Variants in PGGT1B observed in about 807,000 individuals in gnomAD.
PGGT1B encodes the protein geranylgeranyl transferase type-1 subunit beta.
PGGT1B carries 30 observed loss-of-function variants against 46.1 expected under a neutral mutation model. That is an observed-to-expected ratio of 0.65 (90% CI 0.49 to 0.88). The LOEUF (loss-of-function observed/expected upper bound fraction) is 0.88. Among genes scored for constraint, PGGT1B ranks in the 40% least tolerant of loss-of-function variants. The pLI, the probability that PGGT1B is intolerant of heterozygous loss-of-function variation, is 0.00. For synonymous variants in PGGT1B, 170 were observed against 160.0 expected, an observed-to-expected ratio of 1.06 and a Z score of -0.47; for missense variants, 376 against 455.9, an observed-to-expected ratio of 0.82 and a Z score of 1.60.
At chr5:115,230,461 T>C (rs1273742222) in intron 6 of PGGT1B, among the ~76,000 whole-genome samples, 1 of 152,118 alleles carries the variant, frequency 6.6e-6, no homozygotes, top group Non-Finnish European at 1.5e-5. Context: ...ACATCATTAT[T>C]CTAGTTCTGC....
rs530741707 is a variant in PGGT1B, at chr5:115,238,414, C to T, written c.328-405G>A. Among the ~76,000 whole-genome samples, 243 of 147,696 alleles carry T rather than the reference C, an allele frequency of 1.6e-3. 2 individuals carry two copies. The highest frequency in any genetic ancestry group is 5.5e-3 in the African/African-American group (219 of 39,918). On this transcript the variant is annotated intron_variant, in intron 3 of 8. Transcript: ENST00000419445. ...CAACTCCTGGGCTCAAGTGATTCTC[C>T]GGCCTCAGCCTCCAGAGTAGCTGGG...
chr5:115,227,891 A>C (rs760926306), intron 6 of PGGT1B, among the ~76,000 whole-genome samples: 2 of 152,174 alleles, frequency 1.3e-5, no homozygotes, highest in African/African-American at 2.4e-5. Flanking sequence ...TAATAAATAC[A>C]TTATTTTCCT....
At chr5:115,230,851 AAAG>A (rs2127004532) in intron 6 of PGGT1B, 122 bp downstream of exon 6, 1 of 652,376 alleles carries the variant, frequency 1.5e-6, no homozygotes, top group South Asian at 1.8e-5. Context: ...GGAAAGTGAC[AAAG>A]AAGAAAATTA....
chr5:115,210,853 C>A lies in PGGT1B; in HGVS notation c.*1549G>T, dbSNP rs1369689125. 2.0e-5 allele frequency: 3 copies of A among 151,942 alleles called. No homozygotes were observed. Among genetic ancestry groups the A allele is most frequent in the African/African-American group, 7.2e-5 (3 of 41,484 alleles). The allele number at this position is 151,942 out of a possible 1,614,324, so 9.4% of individuals were successfully genotyped here. ...CATCTGTTATTAAGCTTACTTTTTC[C>A]CCCACCATCAGAAGATTTATTTTAT... On this transcript the variant is annotated 3_prime_UTR_variant, in exon 9 of 9. Coordinates refer to ENST00000419445, the MANE Select transcript of PGGT1B (RefSeq NM_005023.4).
chr5:115,245,053 C>T (rs78047248), intron 2 of PGGT1B, among the ~76,000 whole-genome samples: 2,041 of 152,116 alleles, frequency 0.013, 48 homozygotes, highest in African/African-American at 0.046. Context: ...AGTTACTAAT[C>T]TGCTAACAGT....
chr5:115,255,672 T>C (rs1748280261), intron 1 of PGGT1B, among the ~76,000 whole-genome samples: 1 of 152,158 alleles, frequency 6.6e-6, no homozygotes, highest in Non-Finnish European at 1.5e-5. Flanking sequence ...CAGTAAAAGC[T>C]ATGTAGTAAG....
rs561827274 is a variant in PGGT1B at position 115,214,519 on chromosome 5, A to G, written c.953-1936T>C. ...GAATGAAGAATAAGCTTAATTTTAA[A>G]GAATCTTGTTAAAATGATTAAAGAT... On this transcript the variant is annotated intron_variant, in intron 8 of 8. Transcript: ENST00000419445. Among the ~76,000 whole-genome samples, 6 of 152,346 alleles carry G rather than the reference A, an allele frequency of 3.9e-5. No homozygotes were observed. In the East Asian group the frequency reaches 7.7e-4, roughly 20 times the overall value.
At chr5:115,245,056 C>G (rs1251581772) in intron 2 of PGGT1B, among the ~76,000 whole-genome samples, 1 of 152,098 alleles carries the variant, frequency 6.6e-6, no homozygotes, top group Non-Finnish European at 1.5e-5. Context: ...TACTAATCTG[C>G]TAACAGTCCT....
At position 115,204,835 on chromosome 5, in the gene PGGT1B, A is replaced by G. The variant is rs946168734; in HGVS notation, c.*7567T>C. 2 of 152,226 alleles carry G rather than the reference A, an allele frequency of 1.3e-5. No individual in the cohort carries two copies. The highest frequency in any genetic ancestry group is 6.5e-5 in the Admixed American group (1 of 15,268). 9.4% of individuals were successfully genotyped at this position (152,226 alleles called of 1,614,324 possible). A position where few individuals can be genotyped will look rare whatever the true frequency, so the allele number is the denominator to read the frequency against. ...TAACCTAAGTTTCTCTTAATATGAT[A>G]AATATTAAAATATATCCAGTCATAA... is the stretch of plus-strand genomic sequence containing the variant. On this transcript the variant is annotated 3_prime_UTR_variant, in exon 9 of 9. Coordinates refer to ENST00000419445, the MANE Select transcript of PGGT1B (RefSeq NM_005023.4).
At chr5:115,241,676 T>C (rs1392840500) in intron 2 of PGGT1B, 70 bp from the exon 3 acceptor site, 3 of 1,133,044 alleles carry the variant, frequency 2.6e-6, no homozygotes, top group Non-Finnish European at 3.8e-6. Context: ...GCAGTTTAAT[T>C]ACACAATCTT....
chr5:115,223,009 C>T (rs1166869671), intron 6 of PGGT1B, among the ~76,000 whole-genome samples: 1 of 151,898 alleles, frequency 6.6e-6, no homozygotes, highest in Non-Finnish European at 1.5e-5. Context: ...AGGAGAAATA[C>T]CTAATGTAAA....
At chr5:115,224,093 T>C (rs927819965) in intron 6 of PGGT1B, among the ~76,000 whole-genome samples, 4 of 144,102 alleles carry the variant, frequency 2.8e-5, no homozygotes, top group African/African-American at 1.1e-4. Context: ...TATGTTAGTC[T>C]TGAGTGAATC....
intron 2 of PGGT1B, among the ~76,000 whole-genome samples, chr5:115,243,773 T>C (rs1757420626): frequency 6.6e-6 from 1 of 152,132 alleles, no homozygotes; most frequent in Non-Finnish European, 1.5e-5. Context: ...CAGAATCAAC[T>C]TCCTTGCAGT....
At position 115,212,024 on chromosome 5, in the gene PGGT1B, C is replaced by T. The variant is rs1363983481; in HGVS notation, c.*378G>A. On this transcript the variant is annotated 3_prime_UTR_variant, in exon 9 of 9. Transcript: ENST00000419445. The stretch of plus-strand genomic sequence containing the variant: ...TTTTTAAATGATCACTAAGTGTTCA[C>T]CTGAAGATTATCAATGCTATATGAA... 1 of 166,250 alleles carries T rather than the reference C, an allele frequency of 6.0e-6. No homozygotes were observed. The highest frequency in any genetic ancestry group is 1.3e-5 in the Non-Finnish European group (1 of 76,552). The allele number at this position is 166,250 out of a possible 1,614,324, so 10.3% of individuals were successfully genotyped here. A position where few individuals can be genotyped will look rare whatever the true frequency, so the allele number is the denominator to read the frequency against.
In PGGT1B at chr5:115,249,799, G is replaced by A. The variant is rs994241611; in HGVS notation, c.259+3338C>T. On this transcript the variant is annotated intron_variant, in intron 2 of 8. Transcript: ENST00000419445. ...ATATATGACAGACAGTTTCATGTCA[G>A]TATATATATAGAGCTCTACCTTATT... Among the ~76,000 whole-genome samples the A allele has an allele frequency of 2.0e-5, 3 of 152,152 alleles. No individual in the cohort carries two copies. In the East Asian group the frequency reaches 5.8e-4, roughly 29 times the overall value.
chr5:115,255,766 G>T (rs944197331), intron 1 of PGGT1B, among the ~76,000 whole-genome samples: 1 of 152,004 alleles, frequency 6.6e-6, no homozygotes, highest in Admixed American at 6.5e-5. Context: ...CCATCTCTTT[G>T]ATTTTCTAAC....
In PGGT1B at chr5:115,212,184, G is replaced by C. The variant is rs537534013; in HGVS notation, c.*218C>G. ...TTAGAAATACAGTATAAACATTTAA[G>C]AACCACGACAAAGTTGTGGTTCAAA... On this transcript the variant is annotated 3_prime_UTR_variant, in exon 9 of 9. Coordinates refer to ENST00000419445, the MANE Select transcript of PGGT1B (RefSeq NM_005023.4). 2.3e-4 allele frequency: 168 copies of C among 719,790 alleles called. 1 individual carries two copies. In the African/African-American group the frequency reaches 2.7e-3, roughly 12 times the overall value. The allele number at this position is 719,790 out of a possible 1,614,324, so 44.6% of individuals were successfully genotyped here.
In PGGT1B at chr5:115,209,914, G is replaced by A. The variant is rs990280540; in HGVS notation, c.*2488C>T. On this transcript the variant is annotated 3_prime_UTR_variant, in exon 9 of 9. Coordinates refer to ENST00000419445, the MANE Select transcript of PGGT1B (RefSeq NM_005023.4). ...ATCATGCTGCTGAACTGGCAAATCT[G>A]GGATTTAAACCCAGGTCATCTGATT... is the stretch of plus-strand genomic sequence containing the variant. 6.6e-6 allele frequency: 1 copy of A among 151,916 alleles called. No individual in the cohort carries two copies. Among genetic ancestry groups the A allele is most frequent in the Non-Finnish European group, 1.5e-5 (1 of 67,960 alleles). The allele number at this position is 151,916 out of a possible 1,614,324, so 9.4% of individuals were successfully genotyped here. A position where few individuals can be genotyped will look rare whatever the true frequency, so the allele number is the denominator to read the frequency against.
chr5:115,227,644 C>T (rs1756829593), intron 6 of PGGT1B, among the ~76,000 whole-genome samples: 2 of 152,202 alleles, frequency 1.3e-5, no homozygotes, highest in Non-Finnish European at 1.5e-5. Context: ...TTTCAGGAGA[C>T]TTGTCAGTGA....
Sources: gnomAD v4.1 joint callset for allele counts (sites outside exome capture counted in the v4.1 genomes callset) on GRCh38, gnomAD v4.1.1 for gene constraint, MANE v1.5 for transcripts, NCBI Gene and HGNC (gene_info 2026-07-23, HGNC 2026-07-21) for gene names.